The following DOT1L variants were observed in gnomAD, a reference collection of about 807,000 sequenced individuals.
DOT1L encodes DOT1 like histone lysine methyltransferase.
Under a neutral mutation model 153.3 loss-of-function variants are expected in DOT1L, and 33 were observed. That is an observed-to-expected ratio of 0.22 (90% CI 0.16 to 0.29). The LOEUF (loss-of-function observed/expected upper bound fraction) is 0.29, where lower values mean the gene tolerates loss of function less well. Among genes scored for constraint, DOT1L ranks in the 10% least tolerant of loss-of-function variants. The pLI is 1.00. For synonymous variants in DOT1L, 1,135 were observed against 965.1 expected (o/e 1.18, Z -3.26); for missense variants, 1,847 against 2,119.9 (o/e 0.87, Z 2.53).
intron 1 of DOT1L, among the ~76,000 whole-genome samples, chr19:2,169,542 G>A (rs1340744439): frequency 6.6e-6 from 1 of 152,066 alleles, no homozygotes; most frequent in African/African-American, 2.4e-5. Context: ...CTCCCAGGCT[G>A]GAGTGCAGTG....
At chr19:2,224,848 G>A (rs1555728407) in intron 25 of DOT1L, among the ~76,000 whole-genome samples, 2 of 152,234 alleles carry the variant, frequency 1.3e-5, no homozygotes, top group Non-Finnish European at 2.9e-5. Flanking sequence ...GCACCTGGAT[G>A]CTCTGTTTTG....
At position 2,193,708 on chromosome 19, in the gene DOT1L, C is replaced by T. The variant is rs762256426; in HGVS notation, c.513C>T (p.Leu171=). ...TCATAGGTGTGGGCCAGGTCGTGCT[C>T]CAGGTTGCTGCTGCCACCAACTGCA... ...DLGSGVGQVV[L]QVAAATNCKH... Residue 171 remains leucine, a synonymous_variant, in exon 6 of 28, where the codon CTC becomes CTT. Transcript: ENST00000398665. This position sits in a 1 kb window ranked among gnomAD's most constrained non-coding sequence, Gnocchi z 5.9. 3 of 1,613,990 alleles carry T rather than the reference C, an allele frequency of 1.9e-6. No individual in the cohort carries two copies. Among genetic ancestry groups the T allele is most frequent in the Non-Finnish European group, 1.7e-6 (2 of 1,179,990 alleles).
At position 2,230,329 on chromosome 19, in the gene DOT1L, C is replaced by G. The variant is rs904632173; in HGVS notation, c.*537C>G. On this transcript the variant is annotated 3_prime_UTR_variant, in exon 28 of 28. Coordinates refer to ENST00000398665, the MANE Select transcript of DOT1L (RefSeq NM_032482.3). ...ACCACATTCCTCGGAGGCCTCCCCG[C>G]GGCCTGAGCCCCTTCCTGAGCGCCC... 2 of 414,828 alleles carry G rather than the reference C, an allele frequency of 4.8e-6. No individual in the cohort carries two copies. The highest frequency in any genetic ancestry group is 2.0e-4 in the South Asian group (2 of 10,110). The allele number at this position is 414,828 out of a possible 1,614,324, so 25.7% of individuals were successfully genotyped here. A position where few individuals can be genotyped will look rare whatever the true frequency, so the allele number is the denominator to read the frequency against.
intron 1 of DOT1L, among the ~76,000 whole-genome samples, chr19:2,171,439 G>A (rs2021614409): frequency 6.6e-6 from 1 of 152,184 alleles, no homozygotes; most frequent in Non-Finnish European, 1.5e-5. Context: ...AGGTGGCTCT[G>A]CCCCCAGGGG....
chr19:2,230,476 A>C lies in DOT1L; in HGVS notation c.*684A>C, dbSNP rs1390385063. Reference sequence around the variant, plus strand: ...GGCCTGCGCGGTGACGCAGCTGGCCATGTGCTGCGCGATGGTGCTGTGAGG... The same window carrying C: ...GGCCTGCGCGGTGACGCAGCTGGCCCTGTGCTGCGCGATGGTGCTGTGAGG... On this transcript the variant is annotated 3_prime_UTR_variant, in exon 28 of 28. Coordinates refer to ENST00000398665, the MANE Select transcript of DOT1L (RefSeq NM_032482.3). The C allele has an allele frequency of 2.5e-6, 1 of 399,028 alleles. No individual in the cohort carries two copies. Among genetic ancestry groups the C allele is most frequent in the African/African-American group, 2.1e-5 (1 of 48,654 alleles). 24.7% of individuals were successfully genotyped at this position (399,028 alleles called of 1,614,324 possible). A position where few individuals can be genotyped will look rare whatever the true frequency, so the allele number is the denominator to read the frequency against.
chr19:2,174,831 C>G (rs911056134), intron 1 of DOT1L, among the ~76,000 whole-genome samples: 29 of 151,652 alleles, frequency 1.9e-4, no homozygotes, highest in Admixed American at 1.6e-3. Flanking sequence ...AGATGAGGGT[C>G]TCAATATGTT....
In DOT1L at chr19:2,216,565, C is replaced by T. The variant is rs1222002371; in HGVS notation, c.2208C>T (p.Pro736=). The T allele has an allele frequency of 3.7e-6, 6 of 1,609,866 alleles. No individual in the cohort carries two copies. The Admixed American group carries it at 8.3e-5, about 22-fold the overall frequency. The change falls in exon 20 of 28, where the codon CCC becomes CCT. Residue 736 remains proline, a synonymous_variant. Transcript: ENST00000398665. ...LSRPSSKQNT[P]QYLASPLDQE... ...GGCCTTCGTCGAAGCAGAACACGCC[C>T]CAGTACCTGGCCTCACCCCTGGACC...
In DOT1L at chr19:2,231,280, C is replaced by A. The variant is rs1485611096; in HGVS notation, c.*1488C>A. On this transcript the variant is annotated 3_prime_UTR_variant, in exon 28 of 28. Coordinates refer to ENST00000398665, the MANE Select transcript of DOT1L (RefSeq NM_032482.3). Reference sequence around the variant, plus strand: ...TCCTGTGAGATGGCATCGGGGAGCCCCTTCCCCAAGGTGCCACAGATCCAC... The same window carrying A: ...TCCTGTGAGATGGCATCGGGGAGCCACTTCCCCAAGGTGCCACAGATCCAC... The A allele has an allele frequency of 1.3e-5, 3 of 223,986 alleles. No individual in the cohort carries two copies. The highest frequency in any genetic ancestry group is 3.7e-4 in the South Asian group (2 of 5,454). The allele number at this position is 223,986 out of a possible 1,614,324, so 13.9% of individuals were successfully genotyped here.
In DOT1L at chr19:2,177,865, G is replaced by A. The variant is rs866520621; in HGVS notation, c.82-2848G>A. On this transcript the variant is annotated intron_variant, in intron 1 of 27. Coordinates refer to ENST00000398665, the MANE Select transcript of DOT1L (RefSeq NM_032482.3). ...CAAGCTCTGCTTCCTGGGTTCAAGA[G>A]ATTCTCCTGCCTCAGCCACTGAGTA... Among the ~76,000 whole-genome samples the A allele has an allele frequency of 4.0e-5, 6 of 151,724 alleles. No homozygotes were observed. The South Asian group carries it at 6.2e-4, about 16-fold the overall frequency.
Position 2,226,366 on chromosome 19 carries a change from C to T in DOT1L, c.3845C>T (p.Pro1282Leu), listed in dbSNP as rs769247888. ...ACGTTCCGGCCCGCCCTGGAGGAGC[C>T]CTCTGCCGATGCCAAGCTGGCCGCT... ...LFTFRPALEE[P>L]SADAKLAAHP... The change falls in exon 27 of 28, where the codon CCC becomes CTC. Residue 1282 changes from proline to leucine, a missense_variant. Pro to Leu is a moderately conservative substitution (Grantham distance 98). This residue lies in a region of DOT1L where 934 missense variants were observed against 825.3 expected (regional missense o/e 1.13). Coordinates refer to ENST00000398665, the MANE Select transcript of DOT1L (RefSeq NM_032482.3). The T allele has an allele frequency of 4.4e-6, 7 of 1,593,460 alleles. No homozygotes were observed. In the Admixed American group the frequency reaches 1.0e-4, roughly 23 times the overall value.
chr19:2,164,053 C>G lies in DOT1L; in HGVS notation c.-132C>G. The G allele has an allele frequency of 1.9e-6, 1 of 517,766 alleles. No individual in the cohort carries two copies. The highest frequency in any genetic ancestry group is 2.6e-6 in the Non-Finnish European group (1 of 387,750). 32.1% of individuals were successfully genotyped at this position (517,766 alleles called of 1,614,324 possible). On this transcript the variant is annotated 5_prime_UTR_variant, in exon 1 of 28. Transcript: ENST00000398665. ...AGCGCGGCGGCGGCGGCGGCGGCGGCCGAGGCCGAGGCCAGGCCCCCTCCC... is the reference window on the plus strand; with the variant it reads ...AGCGCGGCGGCGGCGGCGGCGGCGGGCGAGGCCGAGGCCAGGCCCCCTCCC...
Position 2,213,787 on chromosome 19 carries a change from C to T in DOT1L, c.1660-62C>T, listed in dbSNP as rs565175645. 32 of 1,608,810 alleles carry T rather than the reference C, an allele frequency of 2.0e-5. No homozygotes were observed. In the Middle Eastern group the frequency reaches 6.6e-4, roughly 33 times the overall value. ...GGCTGGGCTGCAGGGGTGGTCATGC[C>T]TGGGGGCTTACTTCACCTTGGAGGC... is the stretch of plus-strand genomic sequence containing the variant. On this transcript the variant is annotated intron_variant, in intron 17 of 27. Coordinates refer to ENST00000398665, the MANE Select transcript of DOT1L (RefSeq NM_032482.3).
Position 2,222,494 on chromosome 19 carries a change from G to C in DOT1L, c.3325G>C (p.Ala1109Pro). 1 of 1,590,286 alleles carries C rather than the reference G, an allele frequency of 6.3e-7. No individual in the cohort carries two copies. Among genetic ancestry groups the C allele is most frequent in the Non-Finnish European group, 8.5e-7 (1 of 1,171,278 alleles). Residue 1109 changes from alanine to proline, a missense_variant, in exon 24 of 28, where the codon GCC (alanine) becomes CCC (proline). Around this residue, in one of 8 missense-constraint regions of DOT1L, gnomAD observed 934 missense variants for 825.3 expected, o/e 1.13. Transcript: ENST00000398665. The surrounding 1 kb of genome is among the most constrained non-coding windows in gnomAD (Gnocchi z 6.5). ...LSAGVSPKRRALPSVAGLFTQ... is the reference protein window; with the variant it reads ...LSAGVSPKRRPLPSVAGLFTQ... ...CGCAGGCGTGTCCCCCAAGCGCCGA[G>C]CCCTGCCGTCCGTCGCTGGCCTTTT...
intron 27 of DOT1L, chr19:2,229,566 G>A (rs570915080): frequency 1.0e-6 from 1 of 985,470 alleles, no homozygotes; most frequent in African/African-American, 1.7e-5. Flanking sequence ...GAAGGCTGGA[G>A]CTTGGCCGGC....
rs1251369988 is a variant in DOT1L at position 2,197,236 on chromosome 19, A to G, written c.652-2648A>G. ...GGGCCCGGCTCTCCTTCCCTTTCTC[A>G]TGGTGATTGTTCCCAAATGCTGTGC... is the stretch of plus-strand genomic sequence containing the variant. On this transcript the variant is annotated intron_variant, in intron 7 of 27. Transcript: ENST00000398665. The surrounding 1 kb of genome is among the most constrained non-coding windows in gnomAD (Gnocchi z 4.1). 1.3e-5 allele frequency among the ~76,000 whole-genome samples: 2 copies of G among 151,588 alleles called. No homozygotes were observed. Among genetic ancestry groups the G allele is most frequent in the African/African-American group, 4.9e-5 (2 of 41,206 alleles).
At chr19:2,200,071 A>G in intron 8 of DOT1L, 132 bp downstream of exon 8, 2 of 1,204,584 alleles carry the variant, frequency 1.7e-6, no homozygotes, top group East Asian at 2.6e-5. Context: ...CGGTGGGGAC[A>G]GGAAGGGCGC....
In DOT1L at chr19:2,207,470, C is replaced by T. The variant is rs2023546475; in HGVS notation, c.857-104C>T. 10 of 941,380 alleles carry T rather than the reference C, an allele frequency of 1.1e-5. No individual in the cohort carries two copies. Among genetic ancestry groups the T allele is most frequent in the Middle Eastern group, 2.9e-4 (1 of 3,390 alleles). 58.3% of individuals were successfully genotyped at this position (941,380 alleles called of 1,614,324 possible). ...GCAGTGTGGGAGAAGAGGGAAGACG[C>T]GCAGCTCAGGCTTCTGTCCCCACGC... On this transcript the variant is annotated intron_variant, in intron 10 of 27. Coordinates refer to ENST00000398665, the MANE Select transcript of DOT1L (RefSeq NM_032482.3). The surrounding 1 kb of genome is among the most constrained non-coding windows in gnomAD (Gnocchi z 4.5).
chr19:2,214,683 G>A (rs1599600691), intron 19 of DOT1L, 87 bp downstream of exon 19: 7 of 1,523,436 alleles, frequency 4.6e-6, no homozygotes, highest in South Asian at 1.2e-5. Context: ...GGGTGGTTGC[G>A]GTTGCAGCAG....
At position 2,199,874 on chromosome 19, in the gene DOT1L, T is replaced by C. The variant is rs775889850; in HGVS notation, c.652-10T>C. 6.2e-7 allele frequency: 1 copy of C among 1,613,750 alleles called. No individual in the cohort carries two copies. Among genetic ancestry groups the C allele is most frequent in the South Asian group, 1.1e-5 (1 of 91,054 alleles). On this transcript the variant is annotated splice_polypyrimidine_tract_variant and intron_variant, in intron 7 of 27. Coordinates refer to ENST00000398665, the MANE Select transcript of DOT1L (RefSeq NM_032482.3). ...CGGGGGTCCGCGCTCACACCTGTTT[T>C]CCCTTTCAGTTGGAGAGAGGCGATT...
Sources: allele counts gnomAD v4.1 joint callset (sites outside exome capture counted in the v4.1 genomes callset), GRCh38; gene constraint gnomAD v4.1.1; regional missense constraint gnomAD v4.1.1; non-coding constraint Gnocchi (gnomAD v3.1); transcripts MANE v1.5; gene names NCBI Gene and HGNC (gene_info 2026-07-23, HGNC 2026-07-21).